The following AGBL1 variants were observed in gnomAD, a reference collection of about 807,000 sequenced individuals.
AGBL1 encodes the protein cytosolic carboxypeptidase 4.
In AGBL1, 130 loss-of-function variants were observed where a neutral mutation model predicts 118.9. That is an observed-to-expected ratio of 1.09 (90% CI 0.95 to 1.26). The LOEUF is 1.26. Among genes scored for constraint, AGBL1 ranks in the 50% most tolerant of loss-of-function variants. AGBL1 has a pLI of 0.00. For missense variants in AGBL1, 1,584 were observed against 1,298.1 expected, an observed-to-expected ratio of 1.22 and a Z score of -3.38; for synonymous variants, 555 against 478.9, an observed-to-expected ratio of 1.16 and a Z score of -2.08.
chr15:86,152,538 G>A (rs903107696), intron 3 of AGBL1, among the ~76,000 whole-genome samples: 1 of 152,140 alleles, frequency 6.6e-6, no homozygotes, highest in African/African-American at 2.4e-5. Flanking sequence ...AGACTTAAAT[G>A]TTAGACCTAA....
intron 21 of AGBL1, among the ~76,000 whole-genome samples, chr15:86,571,914 C>A (rs1269355036): frequency 6.6e-6 from 1 of 152,158 alleles, no homozygotes; most frequent in Non-Finnish European, 1.5e-5. Context: ...TTCTCCACAC[C>A]CAGGCTGTTC....
intron 6 of AGBL1, among the ~76,000 whole-genome samples, chr15:86,234,525 T>TG (rs1181869068): frequency 7.6e-6 from 1 of 131,224 alleles, no homozygotes; most frequent in South Asian, 2.4e-4. Flanking sequence ...CACTCCAGCC[T>TG]GGGCGACAGA....
At chr15:86,248,880 A>T (rs1567154106) in intron 7 of AGBL1, among the ~76,000 whole-genome samples, 2 of 152,164 alleles carry the variant, frequency 1.3e-5, no homozygotes, top group Non-Finnish European at 2.9e-5. Context: ...GAGAGAGGTC[A>T]AGTCATCTCT....
At chr15:86,825,972 T>G (rs549178291) in intron 22 of AGBL1, among the ~76,000 whole-genome samples, 75 of 151,688 alleles carry the variant, frequency 4.9e-4, no homozygotes, top group Middle Eastern at 6.8e-3. Context: ...CATGCAGTTG[T>G]AAGAAATAAT....
At chr15:86,804,379 C>A (rs1042581388) in intron 22 of AGBL1, among the ~76,000 whole-genome samples, 1 of 152,108 alleles carries the variant, frequency 6.6e-6, no homozygotes, top group Non-Finnish European at 1.5e-5. Context: ...ATGACAGAAT[C>A]AGAACTCAAT....
At chr15:86,180,806 A>G (rs1487600951) in intron 5 of AGBL1, among the ~76,000 whole-genome samples, 1 of 152,140 alleles carries the variant, frequency 6.6e-6, no homozygotes, top group Non-Finnish European at 1.5e-5. Flanking sequence ...ATATACAAAG[A>G]ACAGTTAAAA....
intron 23 of AGBL1, among the ~76,000 whole-genome samples, chr15:86,950,708 A>G (rs2080871650): frequency 6.6e-6 from 1 of 152,018 alleles, no homozygotes; most frequent in Non-Finnish European, 1.5e-5. Context: ...ATATATACAA[A>G]GAATGTTAAA....
chr15:86,776,084 C>A (rs540817814), intron 22 of AGBL1, among the ~76,000 whole-genome samples: 1 of 152,296 alleles, frequency 6.6e-6, no homozygotes, highest in African/African-American at 2.4e-5. Context: ...GGTCATCAAT[C>A]ATTTTCCACC....
At chr15:86,722,573 A>G (rs76484274) in intron 22 of AGBL1, among the ~76,000 whole-genome samples, 1 of 152,220 alleles carries the variant, frequency 6.6e-6, no homozygotes, top group African/African-American at 2.4e-5. Flanking sequence ...AACCTAGGCA[A>G]TGCCATTCAG....
intron 17 of AGBL1, among the ~76,000 whole-genome samples, chr15:86,325,162 A>C (rs2080166452): frequency 6.6e-6 from 1 of 152,200 alleles, no homozygotes; most frequent in South Asian, 2.1e-4. Flanking sequence ...AAGACTAGAG[A>C]GAGAGGCAAG....
intron 17 of AGBL1, among the ~76,000 whole-genome samples, chr15:86,356,908 C>T (rs1047537142): frequency 5.9e-5 from 9 of 152,214 alleles, no homozygotes; most frequent in South Asian, 2.1e-4. Context: ...CAGTAAGCAA[C>T]ATACGTACCA....
intron 24 of AGBL1, among the ~76,000 whole-genome samples, chr15:87,010,045 A>G (rs1358914400): frequency 2.0e-5 from 3 of 152,146 alleles, no homozygotes; most frequent in Non-Finnish European, 2.9e-5. Flanking sequence ...TTGGGAAGGC[A>G]TGATTAGTTT....
chr15:86,237,628 G>A (rs1195190765), intron 6 of AGBL1, among the ~76,000 whole-genome samples: 1 of 152,138 alleles, frequency 6.6e-6, no homozygotes, highest in Non-Finnish European at 1.5e-5. Flanking sequence ...GGTTTAGCAA[G>A]TACTTCCTTC....
At chr15:86,123,430 G>C (rs929736942) in intron 1 of AGBL1, among the ~76,000 whole-genome samples, 33 of 152,122 alleles carry the variant, frequency 2.2e-4, no homozygotes, top group Non-Finnish European at 1.6e-4. Flanking sequence ...AGTAGATATG[G>C]GGTTTTACCA....
intron 18 of AGBL1, among the ~76,000 whole-genome samples, chr15:86,489,185 G>T (rs1015795316): frequency 6.6e-6 from 1 of 152,058 alleles, no homozygotes; most frequent in African/African-American, 2.4e-5. Flanking sequence ...CACTGCCCTG[G>T]CATCTTTGCC....
chr15:86,305,668 A>C (rs917311931), intron 17 of AGBL1, among the ~76,000 whole-genome samples: 26 of 152,196 alleles, frequency 1.7e-4, no homozygotes, highest in African/African-American at 5.8e-4. Flanking sequence ...CTCCTCAGAC[A>C]ATTACTGTTA....
chr15:86,434,278 C>T (rs1257921396), intron 18 of AGBL1, among the ~76,000 whole-genome samples: 2 of 152,200 alleles, frequency 1.3e-5, no homozygotes, highest in African/African-American at 4.8e-5. Flanking sequence ...TATCTGACAA[C>T]ATGTGTCTAA....
intron 22 of AGBL1, among the ~76,000 whole-genome samples, chr15:86,692,412 A>C (rs1019548750): frequency 1.3e-5 from 2 of 151,996 alleles, no homozygotes; most frequent in African/African-American, 2.4e-5. Flanking sequence ...CTTAGTGAGG[A>C]AGAGGGTGGA....
chr15:86,556,445 G>A (rs1025585627), intron 21 of AGBL1, among the ~76,000 whole-genome samples: 3 of 152,174 alleles, frequency 2.0e-5, no homozygotes, highest in South Asian at 2.1e-4. Flanking sequence ...ACACTTCTCC[G>A]AATGTATTAG....
Sources: gnomAD v4.1 joint callset for allele counts (sites outside exome capture counted in the v4.1 genomes callset) on GRCh38, gnomAD v4.1.1 for gene constraint, MANE v1.5 for transcripts, NCBI Gene and HGNC (gene_info 2026-07-23, HGNC 2026-07-21) for gene names.